Variants in NDNF observed in about 807,000 individuals in gnomAD.
NDNF encodes the protein neuron derived neurotrophic factor.
In NDNF, 16 loss-of-function variants were observed where a neutral mutation model predicts 42.0. The ratio of observed to expected loss-of-function variants is 0.38; its 90% CI spans 0.26 to 0.58. The LOEUF is 0.58. Among genes scored for constraint, NDNF ranks in the 20% least tolerant of loss-of-function variants. NDNF has a pLI of 0.67. For synonymous variants in NDNF, 248 were observed against 251.7 expected (o/e 0.99, Z 0.14); for missense variants, 616 against 666.2 (o/e 0.92, Z 0.83).
In NDNF at chr4:121,037,203, T is replaced by A. The variant is rs200619982; in HGVS notation, c.768A>T (p.Gly256=). Residue 256 remains glycine (G), a synonymous_variant, in exon 4 of 4, where the codon GGA becomes GGT. Coordinates refer to ENST00000379692, the MANE Select transcript of NDNF (RefSeq NM_024574.4). ...CTTTACCTGAATTATCAGAAGGAAATCCAAAGTGGGCAAAGTCAAAGGGGC... is the reference window on the plus strand; with the variant it reads ...CTTTACCTGAATTATCAGAAGGAAAACCAAAGTGGGCAAAGTCAAAGGGGC... ...DFSPFDFAHF[G]FPSDNSGKER... 11 of 1,614,014 alleles carry A rather than the reference T, an allele frequency of 6.8e-6. No individual in the cohort carries two copies. Among genetic ancestry groups the A allele is most frequent in the Admixed American group, 6.7e-5 (4 of 59,984 alleles).
At chr4:121,039,782 C>T in intron 3 of NDNF, 148 bp downstream of exon 3, 1 of 838,756 alleles carries the variant, frequency 1.2e-6, no homozygotes, top group Non-Finnish European at 1.7e-6. Context: ...ATGCCACCCT[C>T]CCACTTCCCT....
chr4:121,039,176 C>CGTATATA (rs1726940442), intron 3 of NDNF, among the ~76,000 whole-genome samples: 6 of 13,352 alleles, frequency 4.5e-4, no homozygotes, highest in Non-Finnish European at 2.4e-3. Context: ...TATATAAAGA[C>CGTATATA]TATGTGTGTG....
intron 2 of NDNF, among the ~76,000 whole-genome samples, chr4:121,045,326 T>C (rs1457852325): frequency 6.7e-6 from 1 of 149,732 alleles, no homozygotes. Flanking sequence ...CACTCCAGCC[T>C]GGGCAACAGA....
At chr4:121,070,110 G>A (rs1050938301) in intron 1 of NDNF, among the ~76,000 whole-genome samples, 6 of 152,100 alleles carry the variant, frequency 3.9e-5, no homozygotes, top group African/African-American at 1.4e-4. Context: ...AATTAATACG[G>A]TTTTGGTGTT....
intron 1 of NDNF, among the ~76,000 whole-genome samples, chr4:121,063,795 CCTT>C (rs1727456028): frequency 6.6e-6 from 1 of 152,146 alleles, no homozygotes; most frequent in South Asian, 2.1e-4. Flanking sequence ...AAAAGACTAA[CCTT>C]CTAGAAGGAG....
At chr4:121,044,669 C>T (rs565245043) in intron 2 of NDNF, among the ~76,000 whole-genome samples, 6 of 152,144 alleles carry the variant, frequency 3.9e-5, no homozygotes, top group Admixed American at 2.6e-4. Context: ...ATATTATACT[C>T]ATAAAACATA....
chr4:121,050,451 T>C (rs1039184965), intron 1 of NDNF, among the ~76,000 whole-genome samples: 3 of 152,214 alleles, frequency 2.0e-5, no homozygotes, highest in Admixed American at 1.3e-4. Flanking sequence ...TTAAGCACTT[T>C]CTTTTTTCAT....
intron 1 of NDNF, among the ~76,000 whole-genome samples, chr4:121,046,905 G>C (rs939454714): frequency 6.6e-6 from 1 of 151,918 alleles, no homozygotes; most frequent in South Asian, 2.1e-4. Context: ...TGACCATTTG[G>C]TATTTTTTTT....
At chr4:121,050,742 T>C (rs892740333) in intron 1 of NDNF, among the ~76,000 whole-genome samples, 1 of 152,152 alleles carries the variant, frequency 6.6e-6, no homozygotes, top group African/African-American at 2.4e-5. Flanking sequence ...TTTTGTGTTG[T>C]CAAAGGCCTT....
At chr4:121,048,640 C>T (rs1446207474) in intron 1 of NDNF, among the ~76,000 whole-genome samples, 1 of 152,154 alleles carries the variant, frequency 6.6e-6, no homozygotes, top group Non-Finnish European at 1.5e-5. Flanking sequence ...GAGTTTGAGA[C>T]CAGCCTGGCC....
In NDNF at chr4:121,036,042, C is replaced by T. The variant is rs982453298; in HGVS notation, c.*222G>A. The T allele has an allele frequency of 2.2e-6, 1 of 449,946 alleles. No homozygotes were observed. The highest frequency in any genetic ancestry group is 2.0e-5 in the African/African-American group (1 of 49,996). The allele number at this position is 449,946 out of a possible 1,614,324, so 27.9% of individuals were successfully genotyped here. On this transcript the variant is annotated 3_prime_UTR_variant, in exon 4 of 4. Coordinates refer to ENST00000379692, the MANE Select transcript of NDNF (RefSeq NM_024574.4). ...TCAAGAAGCCCTCTATCTTTGACAC[C>T]AACCGGCATCAGACACACACTAGGT...
At chr4:121,045,942 T>G in intron 1 of NDNF, 104 bp from the exon 2 acceptor site, 9 of 1,042,566 alleles carry the variant, frequency 8.6e-6, no homozygotes, top group Non-Finnish European at 1.2e-5. Flanking sequence ...GATGGAAATT[T>G]AGGGACGCAT....
chr4:121,037,935 A>G, intron 3 of NDNF: 1 of 324,726 alleles, frequency 3.1e-6, no homozygotes, highest in East Asian at 5.1e-5. Flanking sequence ...TTGAGACATT[A>G]TTAATCCTAA....
intron 3 of NDNF, among the ~76,000 whole-genome samples, chr4:121,039,233 T>TACAC (rs1560603364): frequency 7.6e-6 from 1 of 131,124 alleles, no homozygotes; most frequent in Non-Finnish European, 1.6e-5. Context: ...TATATATATA[T>TACAC]ATAAAGACTA....
intron 1 of NDNF, among the ~76,000 whole-genome samples, chr4:121,070,803 C>T (rs1046527734): frequency 2.6e-5 from 4 of 152,278 alleles, no homozygotes; most frequent in East Asian, 1.9e-4. Context: ...CGCTCAAGGT[C>T]TTGGTTTTAG....
In NDNF at chr4:121,055,563, C is replaced by G. The variant is rs145071610; in HGVS notation, c.-1-9725G>C. 5.5e-3 allele frequency among the ~76,000 whole-genome samples: 831 copies of G among 151,194 alleles called. 10 individuals carry two copies. The highest frequency in any genetic ancestry group is 0.019 in the African/African-American group (795 of 41,402). On this transcript the variant is annotated intron_variant, in intron 1 of 3. Coordinates refer to ENST00000379692, the MANE Select transcript of NDNF (RefSeq NM_024574.4). ...TCAAATAGCCTGAATAGCTGTCTAT[C>G]TTAGATGCAGTTTTAAAAACTGGTT...
chr4:121,043,325 C>T (rs1026675862), intron 2 of NDNF, among the ~76,000 whole-genome samples: 2 of 152,130 alleles, frequency 1.3e-5, no homozygotes, highest in African/African-American at 4.8e-5. Flanking sequence ...GCAACTTTAT[C>T]TGGAATTTCT....
At chr4:121,037,699 C>T (rs376231076) in intron 3 of NDNF, 42 bp from the exon 4 acceptor site, 6 of 1,470,160 alleles carry the variant, frequency 4.1e-6, no homozygotes, top group Non-Finnish European at 5.4e-6. Flanking sequence ...TCAGGGCATA[C>T]ACTGTGGCTT....
intron 1 of NDNF, among the ~76,000 whole-genome samples, chr4:121,048,257 C>G (rs1210626541): frequency 6.6e-6 from 1 of 152,212 alleles, no homozygotes; most frequent in Non-Finnish European, 1.5e-5. Flanking sequence ...GCTTTCTGTA[C>G]TTGTTAGAAA....
Sources: gnomAD v4.1 joint callset for allele counts (sites outside exome capture counted in the v4.1 genomes callset) on GRCh38, gnomAD v4.1.1 for gene constraint, MANE v1.5 for transcripts, NCBI Gene and HGNC (gene_info 2026-07-23, HGNC 2026-07-21) for gene names.